Variants in MACROD2 observed in about 807,000 individuals in gnomAD.
MACROD2 encodes the protein ADP-ribose glycohydrolase MACROD2.
A neutral mutation model predicts 70.4 loss-of-function variants in MACROD2; 36 were observed. The ratio of observed to expected loss-of-function variants is 0.51; its 90% CI spans 0.39 to 0.68. MACROD2 has a LOEUF of 0.68. Among genes scored for constraint, MACROD2 ranks in the 30% least tolerant of loss-of-function variants. The pLI is 0.00. For synonymous variants in MACROD2, 172 were observed against 178.8 expected (o/e 0.96, Z 0.30); for missense variants, 496 against 538.4 (o/e 0.92, Z 0.78).
chr20:14,320,001 G>C (rs576684690), intron 3 of MACROD2, among the ~76,000 whole-genome samples: 3 of 152,264 alleles, frequency 2.0e-5, no homozygotes, highest in African/African-American at 7.2e-5. Flanking sequence ...TGTCCAGAGG[G>C]ATAATGTAAA....
intron 6 of MACROD2, among the ~76,000 whole-genome samples, chr20:15,313,766 A>T (rs538954837): frequency 6.6e-6 from 1 of 152,300 alleles, no homozygotes; most frequent in East Asian, 1.9e-4. Context: ...ATGAATGTCT[A>T]TGTGTATGTT....
At position 14,027,251 on chromosome 20, in the gene MACROD2, G is replaced by A. The variant is rs533609825; in HGVS notation, c.163+24847G>A. On this transcript the variant is annotated intron_variant, in intron 2 of 17. Coordinates refer to ENST00000684519, the MANE Select transcript of MACROD2 (RefSeq NM_001351661.2). Reference sequence around the variant, plus strand: ...ATCCTTTCTTCCGCTTGATCGATTCGGCTATTGATACTTGTATATGCTTCA... The same window carrying A: ...ATCCTTTCTTCCGCTTGATCGATTCAGCTATTGATACTTGTATATGCTTCA... Among the ~76,000 whole-genome samples, 18 of 151,662 alleles carry A rather than the reference G, an allele frequency of 1.2e-4. No homozygotes were observed. In the South Asian group the frequency reaches 2.9e-3, roughly 25 times the overall value.
intron 5 of MACROD2, among the ~76,000 whole-genome samples, chr20:15,225,560 A>G (rs1303898208): frequency 1.3e-5 from 2 of 152,196 alleles, no homozygotes; most frequent in African/African-American, 4.8e-5. Context: ...GCATGTAGCT[A>G]AAACAAACCT....
chr20:15,704,989 T>C (rs1392084724), intron 8 of MACROD2, among the ~76,000 whole-genome samples: 1 of 152,190 alleles, frequency 6.6e-6, no homozygotes, highest in African/African-American at 2.4e-5. Context: ...CTGGAGTAGT[T>C]GCTCAATAAA....
intron 8 of MACROD2, among the ~76,000 whole-genome samples, chr20:15,790,215 T>C (rs1400431897): frequency 6.6e-6 from 1 of 151,950 alleles, no homozygotes; most frequent in East Asian, 1.9e-4. Flanking sequence ...GCCAAATGAA[T>C]GGTGGTATAT....
chr20:14,766,962 A>G (rs1017258204), intron 5 of MACROD2, among the ~76,000 whole-genome samples: 1 of 152,146 alleles, frequency 6.6e-6, no homozygotes, highest in African/African-American at 2.4e-5. Flanking sequence ...TTGGTATAAC[A>G]TCATACCAAT....
At chr20:15,078,813 T>G (rs1342000043) in intron 5 of MACROD2, among the ~76,000 whole-genome samples, 3 of 151,734 alleles carry the variant, frequency 2.0e-5, no homozygotes, top group Admixed American at 6.6e-5. Context: ...GCCCAGCTAA[T>G]TTTTATATTT....
intron 3 of MACROD2, among the ~76,000 whole-genome samples, chr20:14,274,120 A>T (rs546282182): frequency 7.4e-4 from 113 of 152,342 alleles, no homozygotes; most frequent in African/African-American, 2.5e-3. Flanking sequence ...ATAGAAGAAG[A>T]GGGAATCCTC....
intron 6 of MACROD2, among the ~76,000 whole-genome samples, chr20:15,393,826 C>G (rs1231507724): frequency 1.3e-5 from 2 of 152,172 alleles, no homozygotes; most frequent in Admixed American, 1.3e-4. Flanking sequence ...ATTGCTCTCT[C>G]TCTCTGAGCA....
chr20:14,651,806 A>G (rs1985694095), intron 4 of MACROD2, among the ~76,000 whole-genome samples: 2 of 152,142 alleles, frequency 1.3e-5, no homozygotes, highest in African/African-American at 4.8e-5. Flanking sequence ...GGGACTGCCG[A>G]CCAGTGTCTC....
chr20:15,467,972 C>A (rs2146428310), intron 7 of MACROD2, among the ~76,000 whole-genome samples: 1 of 152,330 alleles, frequency 6.6e-6, no homozygotes, highest in Middle Eastern at 3.4e-3. Flanking sequence ...TTCCGAGCTT[C>A]TACCATGATG....
chr20:14,739,717 A>C (rs963519277), intron 5 of MACROD2, among the ~76,000 whole-genome samples: 5 of 152,060 alleles, frequency 3.3e-5, no homozygotes, highest in African/African-American at 1.2e-4. Flanking sequence ...AATGTACACA[A>C]ATACTTATTG....
chr20:15,585,508 T>C (rs762796660), intron 8 of MACROD2, among the ~76,000 whole-genome samples: 1 of 152,106 alleles, frequency 6.6e-6, no homozygotes, highest in African/African-American at 2.4e-5. Flanking sequence ...GAGCGTCCTT[T>C]TTACCAAGTG....
intron 3 of MACROD2, among the ~76,000 whole-genome samples, chr20:14,491,391 G>C (rs1448815815): frequency 1.3e-5 from 2 of 152,168 alleles, no homozygotes; most frequent in African/African-American, 4.8e-5. Context: ...TGATCAAACA[G>C]TTTAAATTAA....
chr20:14,329,919 A>G (rs2082802762), intron 3 of MACROD2, among the ~76,000 whole-genome samples: 1 of 152,014 alleles, frequency 6.6e-6, no homozygotes, highest in Non-Finnish European at 1.5e-5. Context: ...TCTAAGGACT[A>G]CTTAGTGATC....
At chr20:15,559,289 T>C (rs1334549536) in intron 8 of MACROD2, among the ~76,000 whole-genome samples, 2 of 144,692 alleles carry the variant, frequency 1.4e-5, no homozygotes, top group African/African-American at 2.6e-5. Context: ...TGGATGAAGG[T>C]AAGAGCCTAG....
At chr20:14,861,685 G>A (rs1271388710) in intron 5 of MACROD2, among the ~76,000 whole-genome samples, 2 of 151,496 alleles carry the variant, frequency 1.3e-5, no homozygotes, top group Non-Finnish European at 2.9e-5. Flanking sequence ...ACAACCCCAG[G>A]AATTAGAAGG....
rs62202899 is a variant in MACROD2, at chr20:14,581,970, G to T, written c.301+88462G>T. Among the ~76,000 whole-genome samples the T allele has an allele frequency of 5.0e-3, 758 of 152,242 alleles. 11 individuals are homozygous for T. Among genetic ancestry groups the T allele is most frequent in the Admixed American group, 9.0e-3 (137 of 15,292 alleles). On this transcript the variant is annotated intron_variant, in intron 4 of 17. Transcript: ENST00000684519. ...TCTGAAGTTATTCTACACATTTCCT[G>T]ATAGCATCCCCAGTAAGATTAAACG...
At chr20:15,378,215 A>T (rs2045591017) in intron 6 of MACROD2, among the ~76,000 whole-genome samples, 1 of 147,310 alleles carries the variant, frequency 6.8e-6, no homozygotes, top group South Asian at 2.3e-4. Flanking sequence ...GGCCAGGGGG[A>T]TTCGTTTTCA....
Sources: gnomAD v4.1 joint callset for allele counts (sites outside exome capture counted in the v4.1 genomes callset) on GRCh38, gnomAD v4.1.1 for gene constraint, MANE v1.5 for transcripts, NCBI Gene and HGNC (gene_info 2026-07-23, HGNC 2026-07-21) for gene names.